The following ZCCHC2 variants were observed in gnomAD, a reference collection of about 807,000 sequenced individuals.
ZCCHC2 encodes the protein zinc finger CCHC-type containing 2, also known as zinc finger CCHC domain-containing protein 2.
In ZCCHC2, 39 loss-of-function variants were observed where a neutral mutation model predicts 103.6. The observed-to-expected ratio is 0.38, with a 90% CI of 0.29 to 0.49. The LOEUF (loss-of-function observed/expected upper bound fraction) is 0.49, where lower values mean the gene tolerates loss of function less well. ZCCHC2 is among the 20% of genes least tolerant of loss of function. ZCCHC2 has a pLI of 0.96. For missense variants in ZCCHC2, 1,483 were observed against 1,491.0 expected (o/e 0.99, Z 0.09); for synonymous variants, 687 against 608.9 (o/e 1.13, Z -1.89).
At chr18:62,536,484 C>T (rs955344803) in intron 1 of ZCCHC2, among the ~76,000 whole-genome samples, 7 of 152,134 alleles carry the variant, frequency 4.6e-5, no homozygotes, top group African/African-American at 1.7e-4. Context: ...GGAATCTGAA[C>T]TTAACAGATA....
chr18:62,574,684 T>A lies in ZCCHC2; in HGVS notation c.2603T>A (p.Ile868Asn). The A allele has an allele frequency of 6.2e-7, 1 of 1,613,898 alleles. No homozygotes were observed. ...TCTCCTGTTGCTACCACGGACCCCA[T>A]CACAAAATCTGCATCCCAAGTGGTA... Reference protein sequence around the residue: ...PGSPVATTDPITKSASQVVGL... With the variant: ...PGSPVATTDPNTKSASQVVGL... Residue 868 changes from isoleucine (I) to asparagine (N), a missense_variant, in exon 13 of 14, where the codon ATC (isoleucine) becomes AAC (asparagine). By Grantham distance (149) the Ile-to-Asn change is moderately radical. Coordinates refer to ENST00000269499, the MANE Select transcript of ZCCHC2 (RefSeq NM_017742.6).
chr18:62,523,723 A>G lies in ZCCHC2; in HGVS notation c.299A>G (p.Glu100Gly). 1 of 1,515,158 alleles carries G rather than the reference A, an allele frequency of 6.6e-7. No individual in the cohort carries two copies. The allele number at this position is 1,515,158 out of a possible 1,614,324, so 93.9% of individuals were successfully genotyped here. ...CTGCGCGAGCAGGAGCGGGTATACG[A>G]GTGGTTCGGGCTGGTGCTGGGCTCG... Reference protein sequence around the residue: ...AALREQERVYEWFGLVLGSAQ... With the variant: ...AALREQERVYGWFGLVLGSAQ... The change falls in exon 1 of 14, where the codon GAG becomes GGG. Residue 100 changes from glutamate to glycine, a missense_variant. Physicochemically the swap from Glu to Gly is moderately conservative, Grantham distance 98 (BLOSUM62 -2). Around this residue, in one of 3 missense-constraint regions of ZCCHC2, gnomAD observed 568 missense variants for 525.1 expected, o/e 1.08. Transcript: ENST00000269499.
Position 62,523,591 on chromosome 18 carries a change from G to A in ZCCHC2, c.167G>A (p.Gly56Asp). The change falls in exon 1 of 14, where the codon GGC (glycine) becomes GAC (aspartate). Residue 56 changes from glycine (G) to aspartate (D), a missense_variant. By Grantham distance (94) the Gly-to-Asp change is moderately conservative (BLOSUM62 -1). Coordinates refer to ENST00000269499, the MANE Select transcript of ZCCHC2 (RefSeq NM_017742.6). ...CCGCCGCCCGCGGGCCCGTCGCGGG[G>A]CCCTCTGCCGCCGCCGCCGCCGCCC... ...PPPPPAGPSRGPLPPPPPPRG... is the reference protein window; with the variant it reads ...PPPPPAGPSRDPLPPPPPPRG... 1 of 1,005,210 alleles carries A rather than the reference G, an allele frequency of 9.9e-7. No homozygotes were observed. Among genetic ancestry groups the A allele is most frequent in the Non-Finnish European group, 1.2e-6 (1 of 841,454 alleles). The allele number at this position is 1,005,210 out of a possible 1,614,324, so 62.3% of individuals were successfully genotyped here. A position where few individuals can be genotyped will look rare whatever the true frequency, so the allele number is the denominator to read the frequency against.
At chr18:62,535,700 T>G (rs1322804107) in intron 1 of ZCCHC2, among the ~76,000 whole-genome samples, 1 of 152,118 alleles carries the variant, frequency 6.6e-6, no homozygotes, top group Admixed American at 6.6e-5. Context: ...GGACCTAACT[T>G]TAGAAGAGCA....
chr18:62,550,750 C>A (rs1421146953), intron 5 of ZCCHC2, among the ~76,000 whole-genome samples: 2 of 152,098 alleles, frequency 1.3e-5, no homozygotes, highest in East Asian at 3.9e-4. Context: ...TTGAAAGAGG[C>A]CTTTGTCCAA....
intron 1 of ZCCHC2, among the ~76,000 whole-genome samples, chr18:62,531,493 G>A (rs1233817699): frequency 6.6e-6 from 1 of 152,148 alleles, no homozygotes; most frequent in Non-Finnish European, 1.5e-5. Context: ...AAAGTCCAGA[G>A]TGTCCAGTAT....
At chr18:62,539,170 T>A (rs1273072202) in intron 1 of ZCCHC2, among the ~76,000 whole-genome samples, 3 of 152,240 alleles carry the variant, frequency 2.0e-5, no homozygotes, top group Non-Finnish European at 4.4e-5. Flanking sequence ...ACCCAGTTGC[T>A]GTTAGATGAC....
At chr18:62,527,394 A>G (rs1914478251) in intron 1 of ZCCHC2, among the ~76,000 whole-genome samples, 1 of 152,198 alleles carries the variant, frequency 6.6e-6, no homozygotes, top group South Asian at 2.1e-4. Context: ...CAATGTTAAT[A>G]GTTGAGGTAT....
chr18:62,557,444 G>T (rs922278459), intron 6 of ZCCHC2, among the ~76,000 whole-genome samples: 4 of 152,108 alleles, frequency 2.6e-5, no homozygotes, highest in African/African-American at 7.2e-5. Context: ...ATTGTTACAC[G>T]GGCTAACCTT....
intron 1 of ZCCHC2, among the ~76,000 whole-genome samples, chr18:62,529,709 C>CT (rs960833085): frequency 6.6e-6 from 1 of 152,162 alleles, no homozygotes; most frequent in Non-Finnish European, 1.5e-5. Context: ...AACTCAGAAA[C>CT]TAAGTCTCAT....
Position 62,545,017 on chromosome 18 carries a change from C to A in ZCCHC2, c.1200+144C>A, listed in dbSNP as rs998929617. On this transcript the variant is annotated intron_variant, in intron 4 of 13. Coordinates refer to ENST00000269499, the MANE Select transcript of ZCCHC2 (RefSeq NM_017742.6). ...CTAAATGAACATTAGCTGTGGAAAA[C>A]GTCATGTTATTCTAAAAATGTTTTC... 1.3e-5 allele frequency: 8 copies of A among 610,148 alleles called. No individual in the cohort carries two copies. The African/African-American group carries it at 1.6e-4, about 12-fold the overall frequency. 37.8% of individuals were successfully genotyped at this position (610,148 alleles called of 1,614,324 possible).
At chr18:62,551,043 G>A (rs1273975817) in intron 5 of ZCCHC2, among the ~76,000 whole-genome samples, 6 of 152,218 alleles carry the variant, frequency 3.9e-5, no homozygotes, top group African/African-American at 1.2e-4. Context: ...CGTCATTGGC[G>A]GCACAAGGAC....
intron 5 of ZCCHC2, chr18:62,552,383 A>G (rs928336832): frequency 2.6e-5 from 4 of 152,198 alleles, no homozygotes; most frequent in Non-Finnish European, 5.9e-5. Context: ...GAGGAATAGA[A>G]GGTAAAAATT....
Position 62,523,499 on chromosome 18 carries a change from G to A in ZCCHC2, c.75G>A (p.Ala25=). 1.0e-6 allele frequency: 1 copy of A among 997,756 alleles called. No homozygotes were observed. Among genetic ancestry groups the A allele is most frequent in the Non-Finnish European group, 1.2e-6 (1 of 837,076 alleles). 61.8% of individuals were successfully genotyped at this position (997,756 alleles called of 1,614,324 possible). A position where few individuals can be genotyped will look rare whatever the true frequency, so the allele number is the denominator to read the frequency against. The change falls in exon 1 of 14, where the codon GCG becomes GCA. Residue 25 remains alanine (A), a synonymous_variant. Transcript: ENST00000269499. ...EPPPEAEEPE[A]DARPGAKAPS... ...CGCCCGAGGCGGAGGAGCCCGAGGC[G>A]GACGCGCGGCCGGGCGCGAAGGCGC...
Position 62,523,580 on chromosome 18 carries a change from C to T in ZCCHC2, c.156C>T (p.Gly52=), listed in dbSNP as rs1914166318. ...RPPPPPPPPA[G]PSRGPLPPPP... is the part of the protein sequence containing the mutation. ...CGCCGCCGCCGCCGCCGCCCGCGGG[C>T]CCGTCGCGGGGCCCTCTGCCGCCGC... Residue 52 remains glycine (G), a synonymous_variant, in exon 1 of 14, where the codon GGC becomes GGT. Transcript: ENST00000269499. The T allele has an allele frequency of 2.1e-6, 2 of 962,498 alleles. No individual in the cohort carries two copies. The highest frequency in any genetic ancestry group is 1.2e-6 in the Non-Finnish European group (1 of 814,116). The allele number at this position is 962,498 out of a possible 1,614,324, so 59.6% of individuals were successfully genotyped here.
chr18:62,573,103 C>A lies in ZCCHC2; in HGVS notation c.1976-954C>A, dbSNP rs114696489. Among the ~76,000 whole-genome samples, 999 of 152,200 alleles carry A rather than the reference C, an allele frequency of 6.6e-3. 7 individuals are homozygous for A. Among genetic ancestry groups the A allele is most frequent in the African/African-American group, 0.023 (951 of 41,538 alleles). On this transcript the variant is annotated intron_variant, in intron 12 of 13. Transcript: ENST00000269499. The stretch of plus-strand genomic sequence containing the variant: ...GTTCTGTTTGAAAACTTTTTAATAT[C>A]TGAAGCTGAATATAAACAGTTCATA...
At position 62,577,533 on chromosome 18, in the gene ZCCHC2, G is replaced by A. The variant is rs1327744785; in HGVS notation, c.*954G>A. On this transcript the variant is annotated 3_prime_UTR_variant, in exon 14 of 14. Transcript: ENST00000269499. ...GTACCAGCTGTTACAGTGTTACGTT[G>A]TGTTTAAAATGTGTATGGTTTATTG... 6.6e-6 allele frequency: 1 copy of A among 152,610 alleles called. No individual in the cohort carries two copies. The highest frequency in any genetic ancestry group is 1.5e-5 in the Non-Finnish European group (1 of 68,042). 9.5% of individuals were successfully genotyped at this position (152,610 alleles called of 1,614,324 possible).
Position 62,524,198 on chromosome 18 carries a change from A to ACTG in ZCCHC2, c.783_785dup (p.Leu262dup). The ACTG allele has an allele frequency of 3.2e-6, 5 of 1,549,604 alleles. No homozygotes were observed. The highest frequency in any genetic ancestry group is 4.4e-6 in the Non-Finnish European group (5 of 1,146,558). On this transcript the variant is annotated inframe_insertion, in exon 1 of 14. Coordinates refer to ENST00000269499, the MANE Select transcript of ZCCHC2 (RefSeq NM_017742.6). The stretch of plus-strand genomic sequence containing the variant: ...GGCTTGGCTCCAGGGCCCAGGAGGA[A>ACTG]CTGCTGCTGCTCTTCACCATGGCCT...
downstream of ZCCHC2, among the ~76,000 whole-genome samples, chr18:62,578,871 G>A (rs959898978): frequency 2.6e-5 from 4 of 152,122 alleles, no homozygotes; most frequent in Non-Finnish European, 5.9e-5. Flanking sequence ...GGATTCAAGC[G>A]ATTCTCCTGC....
Sources: gnomAD v4.1 joint callset for allele counts (sites outside exome capture counted in the v4.1 genomes callset) on GRCh38, gnomAD v4.1.1 for gene constraint, gnomAD v4.1.1 regional missense constraint, MANE v1.5 for transcripts, NCBI Gene and HGNC (gene_info 2026-07-23, HGNC 2026-07-21) for gene names.